CCNB3: variants seen among roughly 807,000 people sequenced by gnomAD.
CCNB3 encodes cyclin B3.
In CCNB3, 12 loss-of-function variants were observed where a neutral mutation model predicts 68.0. That is an observed-to-expected ratio of 0.18 (90% CI 0.11 to 0.29). The LOEUF (loss-of-function observed/expected upper bound fraction) is 0.29. Among genes scored for constraint, CCNB3 ranks in the 10% least tolerant of loss-of-function variants. CCNB3 has a pLI of 1.00. For missense variants in CCNB3, 904 were observed against 993.1 expected (o/e 0.91, Z 1.21); for synonymous variants, 354 against 388.9 (o/e 0.91, Z 1.06).
At chrX:50,209,465 C>T (rs1447014305) in intron 1 of CCNB3, among the ~76,000 whole-genome samples, 1 of 110,352 alleles carries the variant, frequency 9.1e-6, no homozygotes, top group Non-Finnish European at 1.9e-5. Context: ...AAGAGATTCT[C>T]CTGCCTCAGC....
At chrX:50,296,280 C>T (rs1340419649) in intron 5 of CCNB3, among the ~76,000 whole-genome samples, 3 of 88,507 alleles carry the variant, frequency 3.4e-5, no homozygotes, top group Admixed American at 1.3e-4. Context: ...CCTCCCCTCT[C>T]CCCCGACCCC....
At chrX:50,317,645 C>T (rs1358038149) in intron 8 of CCNB3, among the ~76,000 whole-genome samples, 1 of 110,284 alleles carries the variant, frequency 9.1e-6, no homozygotes, top group Non-Finnish European at 1.9e-5. Flanking sequence ...TCTCAGCTTA[C>T]TGCAACCTCC....
intron 1 of CCNB3, among the ~76,000 whole-genome samples, chrX:50,213,348 A>T (rs1266586590): frequency 8.0e-5 from 9 of 112,174 alleles, no homozygotes; most frequent in African/African-American, 2.6e-4. Flanking sequence ...CCCTGGGATA[A>T]ATCCCACTTG....
chrX:50,329,737 T>C (rs1922497263), intron 8 of CCNB3, among the ~76,000 whole-genome samples: 1 of 112,504 alleles, frequency 8.9e-6, no homozygotes, highest in Non-Finnish European at 1.9e-5. Flanking sequence ...CTAAGCCTGC[T>C]TGGATTCTTT....
chrX:50,310,233 C>T lies in CCNB3; in HGVS notation c.2064C>T (p.Ser688=). ...LHVKHTNKSG[S]LFQEALVLQE... ...TTAAGCATACCAACAAAAGTGGGTC[C>T]CTCTTCCAGGAGGCTTTGGTCTTGC... The change falls in exon 6 of 13, where the codon TCC becomes TCT. Residue 688 remains serine, a synonymous_variant. Transcript: ENST00000376042. 3.3e-6 allele frequency: 4 copies of T among 1,209,617 alleles called. No homozygotes were observed. Among genetic ancestry groups the T allele is most frequent in the Non-Finnish European group, 4.5e-6 (4 of 894,416 alleles).
At chrX:50,316,449 C>CT (rs1351773799) in intron 8 of CCNB3, among the ~76,000 whole-genome samples, 2 of 112,039 alleles carry the variant, frequency 1.8e-5, no homozygotes, top group Non-Finnish European at 1.9e-5. Context: ...TTGCATACAG[C>CT]TTTTTTGTGA....
intron 8 of CCNB3, among the ~76,000 whole-genome samples, chrX:50,335,910 T>TC (rs1470332648): frequency 1.8e-5 from 2 of 111,101 alleles, no homozygotes; most frequent in African/African-American, 3.3e-5. Context: ...CTATTTCATG[T>TC]CCCCCCACTG....
chrX:50,205,659 G>GA (rs1557205383), intron 1 of CCNB3, among the ~76,000 whole-genome samples: 1 of 109,679 alleles, frequency 9.1e-6, no homozygotes, highest in East Asian at 2.9e-4. Flanking sequence ...TGTCTCAAAA[G>GA]AAAAAGAATT....
chrX:50,300,844 T>G (rs1936613618), intron 5 of CCNB3, among the ~76,000 whole-genome samples: 1 of 111,645 alleles, frequency 9.0e-6, no homozygotes, highest in Non-Finnish European at 1.9e-5. Flanking sequence ...TTTGTATTCT[T>G]TTTCTCTAAA....
intron 5 of CCNB3, among the ~76,000 whole-genome samples, chrX:50,298,753 A>T (rs1360402388): frequency 9.0e-6 from 1 of 111,200 alleles, no homozygotes. Flanking sequence ...CTGTGAATCC[A>T]TCTGGTCCTG....
intron 11 of CCNB3, among the ~76,000 whole-genome samples, chrX:50,349,774 A>C (rs1923574137): frequency 8.9e-6 from 1 of 112,133 alleles, no homozygotes; most frequent in Non-Finnish European, 1.9e-5. Flanking sequence ...AAAGGGATCC[A>C]AATTTGTGGG....
At chrX:50,332,924 C>A (rs928397467) in intron 8 of CCNB3, among the ~76,000 whole-genome samples, 1 of 111,380 alleles carries the variant, frequency 9.0e-6, no homozygotes, top group Non-Finnish European at 1.9e-5. Flanking sequence ...GCCTGGAAGC[C>A]CCCCCGTAGT....
chrX:50,311,487 A>T lies in CCNB3; in HGVS notation c.3318A>T (p.Thr1106=), dbSNP rs1557215018. ...CTGTCTCACCACAGGCCAAGGGAAC[A>T]CCAAAGGAGGTATTCATCTCCCTTT... The part of the protein sequence containing the change: ...DKPVSPQAKG[T]PKEITPREDI... The change falls in exon 6 of 13, where the codon ACA becomes ACT. Residue 1106 remains threonine, a synonymous_variant. Coordinates refer to ENST00000376042, the MANE Select transcript of CCNB3 (RefSeq NM_033031.3). 8.4e-7 allele frequency: 1 copy of T among 1,186,728 alleles called. No homozygotes were observed. Among genetic ancestry groups the T allele is most frequent in the Non-Finnish European group, 1.1e-6 (1 of 877,978 alleles).
In CCNB3 at chrX:50,324,325, G is replaced by A. The variant is rs186933070; in HGVS notation, c.3516+10377G>A. 1.5e-3 allele frequency among the ~76,000 whole-genome samples: 170 copies of A among 112,203 alleles called. 5 individuals are homozygous for A. In the East Asian group the frequency reaches 0.025, roughly 17 times the overall value. On this transcript the variant is annotated intron_variant, in intron 8 of 12. Transcript: ENST00000376042. ...ACCTCCCAAAGTGCCAGGATTACAG[G>A]TGTGAGCCACTGTGCCTGGCCTTGT...
rs182808547 is a variant in CCNB3 at position 50,314,475 on chromosome X, G to A, written c.3516+527G>A. Among the ~76,000 whole-genome samples, 16 of 112,176 alleles carry A rather than the reference G, an allele frequency of 1.4e-4. No homozygotes were observed. In the East Asian group the frequency reaches 3.9e-3, roughly 27 times the overall value. ...ATAGCATATAGTAGGGGGTCAGTAA[G>A]TATTTGTTGAATGAATGGAATTGAA... is the stretch of plus-strand genomic sequence containing the variant. On this transcript the variant is annotated intron_variant, in intron 8 of 12. Coordinates refer to ENST00000376042, the MANE Select transcript of CCNB3 (RefSeq NM_033031.3).
chrX:50,227,476 T>C (rs1326975426), intron 1 of CCNB3, among the ~76,000 whole-genome samples: 2 of 82,087 alleles, frequency 2.4e-5, no homozygotes, highest in Non-Finnish European at 4.5e-5. Context: ...TATCTAAATA[T>C]ATATAGACAG....
At chrX:50,320,023 T>A (rs1314419550) in intron 8 of CCNB3, among the ~76,000 whole-genome samples, 1 of 111,335 alleles carries the variant, frequency 9.0e-6, no homozygotes, top group Non-Finnish European at 1.9e-5. Flanking sequence ...AATATTTTGT[T>A]GAGGATTTTT....
chrX:50,279,790 A>C (rs1463704028), intron 1 of CCNB3, among the ~76,000 whole-genome samples: 1 of 89,161 alleles, frequency 1.1e-5, no homozygotes, highest in Non-Finnish European at 2.1e-5. Flanking sequence ...ATATATGTAA[A>C]TATATACTAT....
intron 5 of CCNB3, 27 bp from the exon 6 acceptor site, chrX:50,308,478 C>CT (rs1557213853): frequency 2.9e-6 from 3 of 1,020,578 alleles, no homozygotes; most frequent in Non-Finnish European, 4.0e-6. Context: ...CTACATTTTT[C>CT]TTACCCAGAC....
Sources: gnomAD v4.1 joint callset for allele counts (sites outside exome capture counted in the v4.1 genomes callset) on GRCh38, gnomAD v4.1.1 for gene constraint, MANE v1.5 for transcripts, NCBI Gene and HGNC (gene_info 2026-07-23, HGNC 2026-07-21) for gene names.